The following CUBN variants were observed in gnomAD, a reference collection of about 807,000 sequenced individuals.
The protein encoded by CUBN is 460 kDa receptor.
CUBN carries 282 observed loss-of-function variants against 405.3 expected under a neutral mutation model. The observed-to-expected ratio is 0.70, with a 90% CI of 0.63 to 0.77. The LOEUF is 0.77. Ranked by LOEUF, CUBN falls within the 30% of genes least tolerant of loss-of-function variation. The probability of loss-of-function intolerance (pLI) is 0.00; values close to 1 mark genes in which losing one functional copy is unlikely to be tolerated. For synonymous variants in CUBN, 1,684 were observed against 1,617.0 expected (o/e 1.04, Z -0.99); for missense variants, 4,514 against 4,475.2 (o/e 1.01, Z -0.25).
intron 10 of CUBN, among the ~76,000 whole-genome samples, chr10:17,106,100 T>G (rs1045226305): frequency 4.9e-5 from 7 of 144,132 alleles, no homozygotes; most frequent in East Asian, 4.3e-4. Flanking sequence ...GCCTGGCCAA[T>G]GTGGAGAAAC....
chr10:16,974,895 C>T (rs746695380), intron 31 of CUBN, among the ~76,000 whole-genome samples: 14 of 152,092 alleles, frequency 9.2e-5, no homozygotes, highest in Non-Finnish European at 1.6e-4. Context: ...TTCTTGATAG[C>T]ATTTTATTTT....
intron 27 of CUBN, among the ~76,000 whole-genome samples, chr10:17,035,092 T>A (rs80149887): frequency 0.053 from 1,910 of 36,252 alleles, 25 homozygotes; most frequent in Non-Finnish European, 0.25. Flanking sequence ...AAAAAAAAAA[T>A]AAACAAATGA....
chr10:16,919,207 G>T (rs900888903), intron 44 of CUBN, among the ~76,000 whole-genome samples: 4 of 152,182 alleles, frequency 2.6e-5, no homozygotes, highest in Non-Finnish European at 5.9e-5. Flanking sequence ...GACTAATGGA[G>T]CGTCCCAACT....
chr10:16,877,157 T>A, intron 56 of CUBN, 60 bp from the exon 57 acceptor site: 1 of 1,432,836 alleles, frequency 7.0e-7, no homozygotes. Context: ...ATTAAGGCCA[T>A]AAAAATAAAA....
chr10:16,942,894 G>T (rs1476626233), intron 36 of CUBN, among the ~76,000 whole-genome samples: 4 of 151,276 alleles, frequency 2.6e-5, no homozygotes, highest in Non-Finnish European at 5.9e-5. Flanking sequence ...GGAACGGAAG[G>T]CAAGGGGAAG....
chr10:16,945,465 A>G (rs1321017129), intron 36 of CUBN, among the ~76,000 whole-genome samples: 1 of 152,184 alleles, frequency 6.6e-6, no homozygotes, highest in African/African-American at 2.4e-5. Flanking sequence ...CTGTGCTCTT[A>G]GTGAAGACAA....
intron 51 of CUBN, among the ~76,000 whole-genome samples, chr10:16,901,889 G>GTATATATA (rs67084462): frequency 9.2e-6 from 1 of 109,206 alleles, no homozygotes; most frequent in African/African-American, 3.8e-5. Context: ...ACCATATATA[G>GTATATATA]TATATATATA....
chr10:16,910,066 A>C (rs1194712379), intron 48 of CUBN, among the ~76,000 whole-genome samples: 1 of 150,372 alleles, frequency 6.7e-6, no homozygotes, highest in Admixed American at 6.6e-5. Flanking sequence ...TTCATCTTTT[A>C]CTTCTTCTTT....
chr10:17,105,333 G>A (rs1474004208), intron 11 of CUBN, 124 bp downstream of exon 11: 20 of 771,550 alleles, frequency 2.6e-5, no homozygotes, highest in Non-Finnish European at 3.8e-5. Flanking sequence ...GAGAGTTCTC[G>A]ACAGTTCCTT....
chr10:17,031,867 C>A (rs1834796670), intron 27 of CUBN, among the ~76,000 whole-genome samples: 1 of 152,232 alleles, frequency 6.6e-6, no homozygotes, highest in South Asian at 2.1e-4. Flanking sequence ...GTGACGTGCA[C>A]TGCAAACACA....
chr10:16,920,179 G>A (rs1299057993), intron 43 of CUBN, 42 bp from the exon 44 acceptor site: 1 of 1,597,996 alleles, frequency 6.3e-7, no homozygotes, highest in South Asian at 1.1e-5. Flanking sequence ...ATCTGGTGAA[G>A]GGGATGCAGT....
intron 27 of CUBN, chr10:17,023,490 G>A (rs1834563250): frequency 5.2e-6 from 2 of 381,298 alleles, no homozygotes; most frequent in South Asian, 1.9e-5. Context: ...TCATTCCCGC[G>A]CAAATTGACC....
At chr10:17,073,172 T>C (rs10795441) in intron 17 of CUBN, among the ~76,000 whole-genome samples, 54,952 of 151,990 alleles carry the variant, frequency 0.36, 11,705 homozygotes, top group East Asian at 0.56. Flanking sequence ...TGTCACCTAT[T>C]AATATAGATA....
At chr10:17,046,174 G>C in intron 23 of CUBN, 80 bp from the exon 24 acceptor site, 2 of 1,342,368 alleles carry the variant, frequency 1.5e-6, no homozygotes, top group Non-Finnish European at 2.1e-6. Context: ...TTGAACTTTG[G>C]GATTGCAAAC....
chr10:17,109,102 A>T (rs1836706549), intron 10 of CUBN, among the ~76,000 whole-genome samples: 1 of 152,236 alleles, frequency 6.6e-6, no homozygotes, highest in African/African-American at 2.4e-5. Flanking sequence ...ACATAAATTG[A>T]TACAATCTTT....
At chr10:16,891,550 G>A (rs1190705376) in intron 54 of CUBN, among the ~76,000 whole-genome samples, 1 of 152,136 alleles carries the variant, frequency 6.6e-6, no homozygotes, top group Non-Finnish European at 1.5e-5. Context: ...AAGAAGATTG[G>A]TTTTTGGAAA....
intron 47 of CUBN, among the ~76,000 whole-genome samples, chr10:16,914,603 G>A (rs1199105941): frequency 3.3e-5 from 5 of 151,522 alleles, no homozygotes; most frequent in East Asian, 1.9e-4. Flanking sequence ...CAGCAGTGGT[G>A]GCTCACACCT....
intron 31 of CUBN, among the ~76,000 whole-genome samples, chr10:16,957,510 C>T (rs1338517232): frequency 6.6e-6 from 1 of 152,152 alleles, no homozygotes. Flanking sequence ...TGCTCAACAT[C>T]ACTAATCACC....
chr10:17,105,382 C>G (rs982533759), intron 11 of CUBN, 75 bp downstream of exon 11: 16 of 886,288 alleles, frequency 1.8e-5, no homozygotes, highest in Admixed American at 6.8e-5. Context: ...TTCCTGAATC[C>G]TATAACGTTA....
Sources: allele counts gnomAD v4.1 joint callset (sites outside exome capture counted in the v4.1 genomes callset), GRCh38; gene constraint gnomAD v4.1.1; transcripts MANE v1.5; gene names NCBI Gene and HGNC (gene_info 2026-07-23, HGNC 2026-07-21).